ADAMTS16: variants seen among roughly 807,000 people sequenced by gnomAD.
The protein encoded by ADAMTS16 is ADAM metallopeptidase with thrombospondin type 1 motif 16.
ADAMTS16 carries 94 observed loss-of-function variants against 145.8 expected under a neutral mutation model. The ratio of observed to expected loss-of-function variants is 0.64; its 90% CI spans 0.55 to 0.77. The LOEUF (loss-of-function observed/expected upper bound fraction) is 0.77. Among genes scored for constraint, ADAMTS16 ranks in the 30% least tolerant of loss-of-function variants. The pLI is 0.00. For missense variants in ADAMTS16, 1,585 were observed against 1,591.5 expected, an observed-to-expected ratio of 1.00 and a Z score of 0.07; for synonymous variants, 659 against 604.3, an observed-to-expected ratio of 1.09 and a Z score of -1.33.
chr5:5,168,444 A>G lies in ADAMTS16; in HGVS notation c.502-13600A>G, dbSNP rs1475365606. Among the ~76,000 whole-genome samples, 6 of 145,468 alleles carry G rather than the reference A, an allele frequency of 4.1e-5. No homozygotes were observed. In the East Asian group the frequency reaches 1.2e-3, roughly 29 times the overall value. Reference sequence around the variant, plus strand: ...CTTTGCACTTTTTAAAAACTCTTCAAGTTAATGCCTAGTTTATTTATTTTC... The same window carrying G: ...CTTTGCACTTTTTAAAAACTCTTCAGGTTAATGCCTAGTTTATTTATTTTC... On this transcript the variant is annotated intron_variant, in intron 3 of 22. Transcript: ENST00000274181.
At chr5:5,253,110 G>T (rs1277847918) in intron 17 of ADAMTS16, among the ~76,000 whole-genome samples, 1 of 152,022 alleles carries the variant, frequency 6.6e-6, no homozygotes, top group Admixed American at 6.6e-5. Flanking sequence ...TGAAGCCTGT[G>T]AATGCAAAAT....
chr5:5,316,367 C>A (rs1167651283), intron 21 of ADAMTS16, among the ~76,000 whole-genome samples: 1 of 152,220 alleles, frequency 6.6e-6, no homozygotes, highest in South Asian at 2.1e-4. Context: ...ACCCAATCTT[C>A]TTGCAGGTGC....
chr5:5,157,308 T>C (rs1443150655), intron 3 of ADAMTS16, among the ~76,000 whole-genome samples: 1 of 152,098 alleles, frequency 6.6e-6, no homozygotes. Context: ...TTTTTCTTCA[T>C]ATTTAATTGA....
chr5:5,271,040 A>G (rs926251764), intron 18 of ADAMTS16, among the ~76,000 whole-genome samples: 1 of 152,202 alleles, frequency 6.6e-6, no homozygotes, highest in Non-Finnish European at 1.5e-5. Context: ...GGAGGGTTCC[A>G]CAAGGATTGA....
At chr5:5,299,450 A>T (rs1040656802) in intron 18 of ADAMTS16, among the ~76,000 whole-genome samples, 3 of 152,140 alleles carry the variant, frequency 2.0e-5, no homozygotes, top group Non-Finnish European at 2.9e-5. Context: ...ACTTTACTAA[A>T]CCCTTTTTGG....
Position 5,198,427 on chromosome 5 carries a change from T to C in ADAMTS16, c.1314-1705T>C, listed in dbSNP as rs79452846. Among the ~76,000 whole-genome samples the C allele has an allele frequency of 9.8e-4, 149 of 152,306 alleles. 2 individuals carry two copies. In the East Asian group the frequency reaches 0.023, roughly 24 times the overall value. ...AGAATTTTGCAGAAATTCAGCAGTA[T>C]TTGCACGCCAGATTTCCTTGGATAC... is the stretch of plus-strand genomic sequence containing the variant. On this transcript the variant is annotated intron_variant, in intron 8 of 22. Transcript: ENST00000274181.
intron 17 of ADAMTS16, among the ~76,000 whole-genome samples, chr5:5,251,059 A>G (rs1737609783): frequency 6.6e-6 from 1 of 152,178 alleles, no homozygotes; most frequent in Non-Finnish European, 1.5e-5. Flanking sequence ...GGGCGTCAGC[A>G]AGACAGGATA....
intron 3 of ADAMTS16, among the ~76,000 whole-genome samples, chr5:5,181,002 A>G (rs1031830028): frequency 1.3e-5 from 2 of 152,338 alleles, no homozygotes; most frequent in Admixed American, 6.5e-5. Context: ...ACCTCCAATT[A>G]TACAAATATA....
At chr5:5,303,820 G>A in intron 20 of ADAMTS16, 54 bp downstream of exon 20, 1 of 1,573,152 alleles carries the variant, frequency 6.4e-7, no homozygotes, top group African/African-American at 1.4e-5. Context: ...CCTCGGGACT[G>A]CCTCTTCTCT....
chr5:5,305,444 A>T lies in ADAMTS16; in HGVS notation c.3187-1060A>T, dbSNP rs1432441278. ...CACACACACAACCCACACCACACAC[A>T]CACATCCACACCACACACACACACA... is the stretch of plus-strand genomic sequence containing the variant. On this transcript the variant is annotated intron_variant, in intron 20 of 22. Transcript: ENST00000274181. 2.0e-4 allele frequency among the ~76,000 whole-genome samples: 15 copies of T among 75,798 alleles called. 3 individuals are homozygous for T. Among genetic ancestry groups the T allele is most frequent in the South Asian group, 1.1e-3 (2 of 1,874 alleles). 49.7% of individuals were successfully genotyped at this position (75,798 alleles called of 152,430 possible).
intron 17 of ADAMTS16, among the ~76,000 whole-genome samples, chr5:5,245,844 A>G (rs939483933): frequency 5.3e-5 from 8 of 152,142 alleles, no homozygotes; most frequent in Non-Finnish European, 1.2e-4. Flanking sequence ...TTCCCTTTTG[A>G]CAGTTTCTTT....
At chr5:5,207,303 A>T (rs1272487945) in intron 9 of ADAMTS16, among the ~76,000 whole-genome samples, 1 of 152,216 alleles carries the variant, frequency 6.6e-6, no homozygotes, top group African/African-American at 2.4e-5. Context: ...GGTTGCTAAT[A>T]TAAATGACAT....
Position 5,187,735 on chromosome 5 carries a change from T to G in ADAMTS16, c.974T>G (p.Leu325Ter). ...VLTILNMVSALFKDGTIGGNI... is the reference protein window; with the variant it reads ...VLTILNMVSA ...TCCTGTCTTTTTCAGGTATCTGCTTTATTCAAAGATGGAACAATAGGAGGA... is the reference window on the plus strand; with the variant it reads ...TCCTGTCTTTTTCAGGTATCTGCTTGATTCAAAGATGGAACAATAGGAGGA... Residue 325 changes from leucine (L) to a stop codon, truncating the protein, a stop_gained, in exon 6 of 23, where the codon TTA becomes TGA. Coordinates refer to ENST00000274181, the MANE Select transcript of ADAMTS16 (RefSeq NM_139056.4). LOFTEE classifies it high-confidence loss of function. The G allele has an allele frequency of 6.2e-7, 1 of 1,611,528 alleles. No individual in the cohort carries two copies. Among genetic ancestry groups the G allele is most frequent in the Non-Finnish European group, 8.5e-7 (1 of 1,177,886 alleles).
chr5:5,302,375 G>A (rs182693381), intron 18 of ADAMTS16, among the ~76,000 whole-genome samples: 3 of 152,214 alleles, frequency 2.0e-5, no homozygotes, highest in Non-Finnish European at 4.4e-5. Flanking sequence ...TGAGCCTCCT[G>A]CTGGAAGAAT....
intron 7 of ADAMTS16, 126 bp downstream of exon 7, chr5:5,190,256 A>G: frequency 2.0e-6 from 2 of 1,001,014 alleles, no homozygotes; most frequent in Non-Finnish European, 2.8e-6. Flanking sequence ...GTGAAGGTGT[A>G]AAGACTCACT....
intron 5 of ADAMTS16, among the ~76,000 whole-genome samples, chr5:5,187,258 T>C (rs4702235): frequency 0.68 from 103,022 of 152,146 alleles, 35,313 homozygotes; most frequent in East Asian, 0.81. Flanking sequence ...CTCATTTCCA[T>C]TTCCATGATC....
intron 20 of ADAMTS16, among the ~76,000 whole-genome samples, chr5:5,304,898 C>T (rs1021483046): frequency 1.3e-5 from 2 of 151,864 alleles, no homozygotes; most frequent in Non-Finnish European, 2.9e-5. Flanking sequence ...GCTGCATAAT[C>T]TATGGGCTGT....
At chr5:5,187,413 T>C (rs1332445492) in intron 5 of ADAMTS16, among the ~76,000 whole-genome samples, 1 of 152,156 alleles carries the variant, frequency 6.6e-6, no homozygotes, top group Non-Finnish European at 1.5e-5. Context: ...CCAGGAGAGC[T>C]TGAGAAGTGA....
chr5:5,313,744 T>C (rs2126535129), intron 21 of ADAMTS16, among the ~76,000 whole-genome samples: 1 of 152,400 alleles, frequency 6.6e-6, no homozygotes, highest in South Asian at 2.1e-4. Context: ...GACTGCATTC[T>C]GCACCAAGTG....
Sources: gnomAD v4.1 joint callset for allele counts (sites outside exome capture counted in the v4.1 genomes callset) on GRCh38, gnomAD v4.1.1 for gene constraint, MANE v1.5 for transcripts, NCBI Gene and HGNC (gene_info 2026-07-23, HGNC 2026-07-21) for gene names.